Variants in SYNPO observed in about 807,000 individuals in gnomAD.
SYNPO encodes the protein synaptopodin.
A neutral mutation model predicts 49.5 loss-of-function variants in SYNPO; 19 were observed. That is an observed-to-expected ratio of 0.38 (90% CI 0.27 to 0.56). The LOEUF (loss-of-function observed/expected upper bound fraction) is 0.56. Among genes scored for constraint, SYNPO ranks in the 20% least tolerant of loss-of-function variants. SYNPO has a pLI of 0.68. For synonymous variants in SYNPO, 536 were observed against 548.0 expected, an observed-to-expected ratio of 0.98 and a Z score of 0.31; for missense variants, 1,131 against 1,248.3, an observed-to-expected ratio of 0.91 and a Z score of 1.42.
At chr5:150,602,585 G>A (rs931079723) in intron 1 of SYNPO, among the ~76,000 whole-genome samples, 5 of 152,230 alleles carry the variant, frequency 3.3e-5, no homozygotes, top group African/African-American at 7.2e-5. Flanking sequence ...CTGTCATTAC[G>A]CTTCCAGCAT....
chr5:150,636,799 T>TG (rs1318476516), upstream of SYNPO, among the ~76,000 whole-genome samples: 3 of 19,284 alleles, frequency 1.6e-4, no homozygotes, highest in Admixed American at 2.0e-3. Context: ...GAACGCGGGG[T>TG]GGGGGGTGTT....
chr5:150,634,120 A>C (rs1318879250), intron 2 of SYNPO, among the ~76,000 whole-genome samples: 1 of 152,182 alleles, frequency 6.6e-6, no homozygotes, highest in Non-Finnish European at 1.5e-5. Context: ...TCTAAAGCCC[A>C]GTGGGTTCCC....
At chr5:150,655,455 G>A (rs56213944) in intron 2 of SYNPO, among the ~76,000 whole-genome samples, 5,078 of 152,190 alleles carry the variant, frequency 0.033, 265 homozygotes, top group African/African-American at 0.11. Context: ...ATGTGGCCCT[G>A]GGCCCGGGAC....
rs763073861 is a variant in SYNPO at position 150,648,755 on chromosome 5, A to C, written c.480A>C (p.Val160=). The C allele has an allele frequency of 5.0e-6, 8 of 1,614,082 alleles. No homozygotes were observed. Among genetic ancestry groups the C allele is most frequent in the Non-Finnish European group, 6.8e-6 (8 of 1,180,030 alleles). The change falls in exon 2 of 3, where the codon GTA becomes GTC. Residue 160 remains valine (V), a synonymous_variant. Coordinates refer to ENST00000307662, the MANE Select transcript of SYNPO (RefSeq NM_007286.6). This position sits in a 1 kb window ranked among gnomAD's most constrained non-coding sequence, Gnocchi z 5.0. ...GCAGCACACTCCTAATTGACAAGGT[A>C]TCAACTCCAGCTACCACCACCAGCA... is the stretch of plus-strand genomic sequence containing the variant. The part of the protein sequence containing the change: ...VRCSTLLIDK[V]STPATTTSTF...
chr5:150,648,926 G>T lies in SYNPO; in HGVS notation c.651G>T (p.Thr217=). The change falls in exon 2 of 3, where the codon ACG becomes ACT. Residue 217 remains threonine, a synonymous_variant. Coordinates refer to ENST00000307662, the MANE Select transcript of SYNPO (RefSeq NM_007286.6). The surrounding 1 kb of genome is among the most constrained non-coding windows in gnomAD (Gnocchi z 5.0). The part of the protein sequence containing the change: ...QEMSGRAAAT[T]PTKVYSEVHF... The stretch of plus-strand genomic sequence containing the variant: ...TGTCTGGGCGAGCAGCTGCCACCAC[G>T]CCCACCAAGGTCTACAGTGAGGTCC... The T allele has an allele frequency of 1.2e-6, 2 of 1,614,214 alleles. No homozygotes were observed. The highest frequency in any genetic ancestry group is 1.7e-6 in the Non-Finnish European group (2 of 1,180,034).
In SYNPO at chr5:150,648,506, T is replaced by C; in HGVS notation, c.231T>C (p.Ser77=). Residue 77 remains serine, a synonymous_variant, in exon 2 of 3, where the codon AGT becomes AGC. Transcript: ENST00000307662. The surrounding 1 kb of genome is among the most constrained non-coding windows in gnomAD (Gnocchi z 5.0). Reference sequence around the variant, plus strand: ...TCAACCAAAACCTTGCCTCGCCCAGTGCCACGCTCACCACACCAACTTCTA... The same window carrying C: ...TCAACCAAAACCTTGCCTCGCCCAGCGCCACGCTCACCACACCAACTTCTA... The part of the protein sequence containing the change: ...ADVNQNLASP[S]ATLTTPTSNS... 1.2e-6 allele frequency: 2 copies of C among 1,614,064 alleles called. No individual in the cohort carries two copies. Among genetic ancestry groups the C allele is most frequent in the Non-Finnish European group, 1.7e-6 (2 of 1,179,978 alleles).
In SYNPO at chr5:150,657,443, C is replaced by G. The variant is rs1267494909; in HGVS notation, c.*356C>G. 5.0e-6 allele frequency: 1 copy of G among 201,046 alleles called. No individual in the cohort carries two copies. The highest frequency in any genetic ancestry group is 5.7e-5 in the Admixed American group (1 of 17,568). 12.5% of individuals were successfully genotyped at this position (201,046 alleles called of 1,614,324 possible). On this transcript the variant is annotated 3_prime_UTR_variant, in exon 3 of 3. Transcript: ENST00000307662. ...TCTCTCTCTCTCTCTCACACACACACACACACACACACACACACACACACA... is the reference window on the plus strand; with the variant it reads ...TCTCTCTCTCTCTCTCACACACACAGACACACACACACACACACACACACA...
At position 150,657,144 on chromosome 5, in the gene SYNPO, C is replaced by T; in HGVS notation, c.*57C>T. The T allele has an allele frequency of 1.3e-6, 2 of 1,513,408 alleles. No homozygotes were observed. The highest frequency in any genetic ancestry group is 1.8e-6 in the Non-Finnish European group (2 of 1,126,348). 93.7% of individuals were successfully genotyped at this position (1,513,408 alleles called of 1,614,324 possible). ...AGAGCCAGAAGAAGGCTCATTAGACCTGGGGGACCCAAAGGGTCTGGCCTC... is the reference window on the plus strand; with the variant it reads ...AGAGCCAGAAGAAGGCTCATTAGACTTGGGGGACCCAAAGGGTCTGGCCTC... On this transcript the variant is annotated 3_prime_UTR_variant, in exon 3 of 3. Coordinates refer to ENST00000307662, the MANE Select transcript of SYNPO (RefSeq NM_007286.6).
At chr5:150,654,201 G>A (rs1758483920) in intron 2 of SYNPO, 1 of 152,196 alleles carries the variant, frequency 6.6e-6, no homozygotes. Flanking sequence ...TAGTGAATTT[G>A]GATTGGATTA....
rs1392377251 is a variant in SYNPO, at chr5:150,648,303, T to G, written c.28T>G (p.Leu10Val). 2.5e-6 allele frequency: 4 copies of G among 1,614,052 alleles called. No homozygotes were observed. The highest frequency in any genetic ancestry group is 3.4e-6 in the Non-Finnish European group (4 of 1,180,038). ...GGAGGGGTACTCAGAGGAGGCTAGC[T>G]TGCTGCGGCACCTGGAGAAGGTGGC... MEGYSEEASLLRHLEKVASE... is the reference protein window; with the variant it reads MEGYSEEASVLRHLEKVASE... Residue 10 changes from leucine to valine, a missense_variant, in exon 2 of 3, where the codon TTG becomes GTG. By Grantham distance (32) the Leu-to-Val change is conservative (BLOSUM62 1). Around this residue, in one of 4 missense-constraint regions of SYNPO, gnomAD observed 16 missense variants for 20.9 expected, o/e 0.77. Coordinates refer to ENST00000307662, the MANE Select transcript of SYNPO (RefSeq NM_007286.6). This position sits in a 1 kb window ranked among gnomAD's most constrained non-coding sequence, Gnocchi z 5.0.
chr5:150,638,267 G>A (rs1004048186), upstream of SYNPO, among the ~76,000 whole-genome samples: 8 of 152,082 alleles, frequency 5.3e-5, no homozygotes, highest in Admixed American at 5.2e-4. Flanking sequence ...TAGGTTGTAT[G>A]TTCTCCCCTC....
exon 2 of SYNPO, chr5:150,618,637 C>T: frequency 6.4e-7 from 1 of 1,551,432 alleles, no homozygotes; most frequent in Non-Finnish European, 8.7e-7. Context: ...CACCCAGCTG[C>T]TCCAGAGAGG....
At chr5:150,647,788 T>C (rs1422029441) in intron 1 of SYNPO, among the ~76,000 whole-genome samples, 156 bp from the exon 2 acceptor site, 1 of 152,134 alleles carries the variant, frequency 6.6e-6, no homozygotes, top group East Asian at 1.9e-4. Flanking sequence ...GATTACGAAG[T>C]GAGCTAATTC....
intron 2 of SYNPO, among the ~76,000 whole-genome samples, chr5:150,655,023 G>T (rs934547019): frequency 2.0e-5 from 3 of 152,196 alleles, no homozygotes; most frequent in Non-Finnish European, 2.9e-5. Flanking sequence ...TACTCGGGAG[G>T]CTGAGGCAGG....
chr5:150,588,303 C>G, the SYNPO span, among the ~76,000 whole-genome samples: 1 of 152,030 alleles, frequency 6.6e-6, no homozygotes, highest in Non-Finnish European at 1.5e-5. Context: ...TCGGGGGAAG[C>G]TGCGTGTTAT....
At chr5:150,650,960 C>A (rs1008752253) in intron 2 of SYNPO, 2 of 1,253,532 alleles carry the variant, frequency 1.6e-6, no homozygotes, top group East Asian at 6.3e-5. Flanking sequence ...CTGCTGGCTG[C>A]GGACTCGGCC....
At chr5:150,604,865 G>A (rs968886110) in intron 1 of SYNPO, among the ~76,000 whole-genome samples, 6 of 152,158 alleles carry the variant, frequency 3.9e-5, no homozygotes, top group African/African-American at 7.2e-5. Flanking sequence ...GGGAGAATGC[G>A]GAAGCAAATG....
At chr5:150,653,628 A>G (rs1414628705) in intron 2 of SYNPO, 2 of 152,218 alleles carry the variant, frequency 1.3e-5, no homozygotes, top group Non-Finnish European at 2.9e-5. Flanking sequence ...ATTTGGCCCT[A>G]GCCCTCCTCT....
Position 150,648,439 on chromosome 5 carries a change from C to G in SYNPO, c.164C>G (p.Pro55Arg), listed in dbSNP as rs763541477. Residue 55 changes from proline (P) to arginine (R), a missense_variant, in exon 2 of 3, where the codon CCG becomes CGG. Coordinates refer to ENST00000307662, the MANE Select transcript of SYNPO (RefSeq NM_007286.6). This position sits in a 1 kb window ranked among gnomAD's most constrained non-coding sequence, Gnocchi z 5.0. The stretch of plus-strand genomic sequence containing the variant: ...AACCGAGAGGCCCAGCAGTCCTCAC[C>G]GGCCCCACCTCCAGCTGAGGTCCAC... ...SQNREAQQSS[P>R]APPPAEVHSP... 8.1e-6 allele frequency: 13 copies of G among 1,614,170 alleles called. No individual in the cohort carries two copies. Among genetic ancestry groups the G allele is most frequent in the South Asian group, 3.3e-5 (3 of 91,086 alleles).
Sources: allele counts gnomAD v4.1 joint callset (sites outside exome capture counted in the v4.1 genomes callset), GRCh38; gene constraint gnomAD v4.1.1; regional missense constraint gnomAD v4.1.1; non-coding constraint Gnocchi (gnomAD v3.1); transcripts MANE v1.5; gene names NCBI Gene and HGNC (gene_info 2026-07-23, HGNC 2026-07-21).